BRI3: variants seen among roughly 807,000 people sequenced by gnomAD.
BRI3 encodes the protein brain protein I3.
Under a neutral mutation model 12.8 loss-of-function variants are expected in BRI3, and 6 were observed. That is an observed-to-expected ratio of 0.47 (90% CI 0.26 to 0.93). BRI3 has a LOEUF of 0.93. BRI3 is among the 40% of genes least tolerant of loss of function. The pLI is 0.15. For missense variants in BRI3, 134 were observed against 171.1 expected (o/e 0.78, Z 1.21); for synonymous variants, 91 against 76.1 (o/e 1.20, Z -1.02).
rs970133355 is a variant in BRI3, at chr7:98,307,775, G to A, written n.405G>A. The stretch of plus-strand genomic sequence containing the variant: ...TGATGACATCTCCCTGTGCAAAGCT[G>A]AGTAAGGTCTTGTTGGAGCCCGCAG... On this transcript the variant is annotated non_coding_transcript_exon_variant, in exon 2 of 2. Coordinates refer to the BRI3 transcript ENST00000485422. 5 of 1,614,136 alleles carry A rather than the reference G, an allele frequency of 3.1e-6. No individual in the cohort carries two copies. The African/African-American group carries it at 5.3e-5, about 17-fold the overall frequency.
intron 2 of BRI3, chr7:98,282,892 C>T (rs6947208): frequency 0.41 from 72,286 of 178,202 alleles, 16,240 homozygotes; most frequent in Middle Eastern, 0.57. Context: ...GAAGTAAGTG[C>T]ACCAGCAGGA....
At chr7:98,308,621 A>C in exon 2 of BRI3, 1 of 233,358 alleles carries the variant, frequency 4.3e-6, no homozygotes, top group Non-Finnish European at 8.7e-6. Context: ...GTCTCCATTC[A>C]AACACAGGCT....
the BRI3 span, among the ~76,000 whole-genome samples, chr7:98,320,793 A>G: frequency 1.3e-5 from 2 of 152,206 alleles, no homozygotes; most frequent in Non-Finnish European, 1.5e-5. Context: ...GAGAGCAAAC[A>G]GCTTCTACAA....
At chr7:98,299,107 C>A (rs1420106635) in intron 1 of BRI3, among the ~76,000 whole-genome samples, 1 of 152,122 alleles carries the variant, frequency 6.6e-6, no homozygotes, top group African/African-American at 2.4e-5. Context: ...CCTCTGCCTC[C>A]CGGGTTCAAC....
exon 2 of BRI3, chr7:98,308,202 C>CA (rs1385754097): frequency 1.8e-6 from 1 of 549,816 alleles, no homozygotes; most frequent in Non-Finnish European, 3.5e-6. Context: ...CTGCTTTAGC[C>CA]AGGATGGCTC....
At chr7:98,300,988 A>G (rs73147343) in intron 1 of BRI3, among the ~76,000 whole-genome samples, 11,478 of 152,100 alleles carry the variant, frequency 0.075, 618 homozygotes, top group Non-Finnish European at 0.12. Context: ...CCATGCATCG[A>G]GCGCTCCCTG....
chr7:98,286,490 C>A (rs752774486), intron 2 of BRI3, among the ~76,000 whole-genome samples: 13 of 152,166 alleles, frequency 8.5e-5, no homozygotes, highest in Non-Finnish European at 1.8e-4. Flanking sequence ...TAGAGAGAGC[C>A]GGTCAGGACC....
At chr7:98,321,308 A>G in the BRI3 span, among the ~76,000 whole-genome samples, 61,299 of 152,120 alleles carry the variant, frequency 0.4, 13,331 homozygotes, top group Middle Eastern at 0.55. Flanking sequence ...GAATCCCCAG[A>G]GTAATCTGAT....
intron 2 of BRI3, among the ~76,000 whole-genome samples, chr7:98,283,393 G>T (rs1422842965): frequency 1.3e-5 from 2 of 152,192 alleles, no homozygotes; most frequent in Admixed American, 6.5e-5. Flanking sequence ...CAACCTAGAG[G>T]TGGGGACAAG....
downstream of BRI3, among the ~76,000 whole-genome samples, chr7:98,311,513 C>A (rs1800867792): frequency 6.6e-6 from 1 of 151,534 alleles, no homozygotes; most frequent in Non-Finnish European, 1.5e-5. Flanking sequence ...TGCACTCCAG[C>A]CTGAGTGACA....
At chr7:98,321,970 C>A in the BRI3 span, among the ~76,000 whole-genome samples, 1 of 152,142 alleles carries the variant, frequency 6.6e-6, no homozygotes, top group Non-Finnish European at 1.5e-5. Flanking sequence ...ATGGCACGTG[C>A]CTGTAATCCC....
downstream of BRI3, chr7:98,293,429 G>A: frequency 3.3e-6 from 4 of 1,228,828 alleles, no homozygotes; most frequent in South Asian, 4.9e-5. Flanking sequence ...CTCCACTGAA[G>A]CTTCCCGACC....
upstream of BRI3, chr7:98,306,394 CAG>C (rs750590387): frequency 2.6e-4 from 410 of 1,604,080 alleles, 2 homozygotes; most frequent in East Asian, 7.6e-4. Flanking sequence ...AACGACAAGG[CAG>C]GGGTTTCTGT....
chr7:98,317,995 C>T, the BRI3 span, among the ~76,000 whole-genome samples: 8 of 151,544 alleles, frequency 5.3e-5, no homozygotes, highest in African/African-American at 1.7e-4. Flanking sequence ...ACCCTCACCC[C>T]GCAGCTCACA....
Position 98,282,355 on chromosome 7 carries a change from AC to A in BRI3, c.150del (p.Thr51ProfsTer25), listed in dbSNP as rs1292347142. On this transcript the variant is annotated frameshift_variant, in exon 2 of 3. Coordinates refer to ENST00000297290, the MANE Select transcript of BRI3 (RefSeq NM_015379.5). LOFTEE classifies it high-confidence loss of function. ...PPYPYLVTGIPTHHPRVYNIH... is the reference protein window; with the variant it reads ...PPYPYLVTGIXTHHPRVYNIH... Reference sequence around the variant, plus strand: ...GACCTGCTTTCCCGCCCACAGGGATACCCACCCACCATCCCAGGGTCTACAA... The same window carrying A: ...GACCTGCTTTCCCGCCCACAGGGATACCACCCACCATCCCAGGGTCTACAA... 6.2e-7 allele frequency: 1 copy of A among 1,613,280 alleles called. No individual in the cohort carries two copies. Among genetic ancestry groups the A allele is most frequent in the Non-Finnish European group, 8.5e-7 (1 of 1,179,472 alleles).
chr7:98,296,899 G>A (rs552101240), downstream of BRI3, among the ~76,000 whole-genome samples: 15 of 152,274 alleles, frequency 9.9e-5, no homozygotes, highest in Admixed American at 8.5e-4. Flanking sequence ...TGTCTCAACC[G>A]CATACCTCAC....
At chr7:98,306,424 C>T (rs1800658708), upstream of BRI3, 1 of 1,613,952 alleles carries the variant, frequency 6.2e-7, no homozygotes, top group African/African-American at 1.3e-5. Flanking sequence ...AGAGCTCAGC[C>T]ACGTTCAGGG....
the BRI3 span, among the ~76,000 whole-genome samples, chr7:98,321,136 G>T: frequency 6.6e-6 from 1 of 152,178 alleles, no homozygotes; most frequent in Non-Finnish European, 1.5e-5. Context: ...TGGGATGACA[G>T]GTGTGAGCCA....
chr7:98,306,499 G>A (rs565003158), upstream of BRI3: 27 of 1,614,080 alleles, frequency 1.7e-5, no homozygotes, highest in Middle Eastern at 1.6e-4. Context: ...CGTGTACGAC[G>A]ACGGGAACCA....
Sources: allele counts gnomAD v4.1 joint callset (sites outside exome capture counted in the v4.1 genomes callset), GRCh38; gene constraint gnomAD v4.1.1; transcripts MANE v1.5; gene names NCBI Gene and HGNC (gene_info 2026-07-23, HGNC 2026-07-21).